Variants in HHAT observed in about 807,000 individuals in gnomAD.
HHAT encodes hedgehog acyltransferase, also known as protein-cysteine N-palmitoyltransferase HHAT.
In HHAT, 47 loss-of-function variants were observed where a neutral mutation model predicts 70.8. That is an observed-to-expected ratio of 0.66 (90% CI 0.53 to 0.85). HHAT has a LOEUF of 0.85. Ranked by LOEUF, HHAT falls within the 40% of genes least tolerant of loss-of-function variation. HHAT has a pLI of 0.00. For missense variants in HHAT, 609 were observed against 604.8 expected (o/e 1.01, Z -0.07); for synonymous variants, 228 against 247.6 (o/e 0.92, Z 0.74).
intron 11 of HHAT, among the ~76,000 whole-genome samples, chr1:210,655,046 T>C (rs1676092135): frequency 6.6e-6 from 1 of 152,176 alleles, no homozygotes; most frequent in Non-Finnish European, 1.5e-5. Flanking sequence ...CAAAGAAGCA[T>C]CTGGAAACTC....
chr1:210,461,768 C>T (rs939989730), intron 7 of HHAT, among the ~76,000 whole-genome samples: 2 of 152,034 alleles, frequency 1.3e-5, no homozygotes, highest in South Asian at 4.2e-4. Flanking sequence ...TTTCTATAAG[C>T]TTGTAAACCA....
At chr1:210,540,026 T>C (rs1424580658) in intron 9 of HHAT, among the ~76,000 whole-genome samples, 2 of 152,198 alleles carry the variant, frequency 1.3e-5, no homozygotes, top group Non-Finnish European at 2.9e-5. Flanking sequence ...ATTGGATTGC[T>C]CTGTGGGACT....
intron 8 of HHAT, among the ~76,000 whole-genome samples, chr1:210,511,890 C>T (rs2094960560): frequency 1.3e-5 from 2 of 148,302 alleles, no homozygotes; most frequent in South Asian, 2.2e-4. Context: ...CCTGGGTTCA[C>T]GCCATTCTCC....
At chr1:210,374,013 C>T (rs61829760) in intron 3 of HHAT, 3 of 152,272 alleles carry the variant, frequency 2.0e-5, no homozygotes, top group South Asian at 2.1e-4. Flanking sequence ...AGTATTCAGA[C>T]CTTTGACATG....
chr1:210,613,579 AG>A (rs1359697048), intron 10 of HHAT, among the ~76,000 whole-genome samples: 17 of 152,098 alleles, frequency 1.1e-4, no homozygotes, highest in Admixed American at 7.9e-4. Flanking sequence ...TGCTTTTTCA[AG>A]GTTGTTTTGG....
At chr1:210,405,254 C>T (rs531959883) in intron 6 of HHAT, among the ~76,000 whole-genome samples, 30 of 152,186 alleles carry the variant, frequency 2.0e-4, no homozygotes, top group African/African-American at 5.8e-4. Context: ...CTTCCTCGGA[C>T]GGCATCCTTG....
chr1:210,498,762 G>GTT (rs67506355), intron 8 of HHAT, among the ~76,000 whole-genome samples: 1 of 143,688 alleles, frequency 7.0e-6, no homozygotes, highest in Non-Finnish European at 1.5e-5. Context: ...CTTGCAGTCT[G>GTT]TTTTTTTTTT....
chr1:210,559,026 C>T (rs184279925), intron 9 of HHAT, among the ~76,000 whole-genome samples: 9 of 152,248 alleles, frequency 5.9e-5, no homozygotes, highest in Admixed American at 1.3e-4. Context: ...GAATCCCGTT[C>T]GGTCAGTTCA....
At chr1:210,378,344 C>A (rs1457595346) in intron 3 of HHAT, among the ~76,000 whole-genome samples, 4 of 152,096 alleles carry the variant, frequency 2.6e-5, no homozygotes, top group Non-Finnish European at 4.4e-5. Context: ...AAACAATAAG[C>A]AAATAATGCT....
chr1:210,341,986 C>A (rs927443021), intron 1 of HHAT, among the ~76,000 whole-genome samples: 1 of 152,060 alleles, frequency 6.6e-6, no homozygotes, highest in Non-Finnish European at 1.5e-5. Flanking sequence ...TCAAAATTCT[C>A]ACTCTTTTCA....
intron 3 of HHAT, among the ~76,000 whole-genome samples, chr1:210,384,419 G>T (rs941610214): frequency 6.6e-6 from 1 of 152,138 alleles, no homozygotes; most frequent in African/African-American, 2.4e-5. Flanking sequence ...GCTGTAGGAA[G>T]GCATAATCAG....
chr1:210,576,615 A>G (rs1470119514), intron 9 of HHAT, among the ~76,000 whole-genome samples: 1 of 152,196 alleles, frequency 6.6e-6, no homozygotes, highest in East Asian at 1.9e-4. Context: ...ATGTTTACAT[A>G]TGTAACAAAC....
Position 210,674,343 on chromosome 1 carries a change from G to A in HHAT, c.1446G>A (p.Val482=). The change falls in exon 12 of 12, where the codon GTG becomes GTA. Residue 482 remains valine, a synonymous_variant. Transcript: ENST00000261458. ...GATTCCTGTACTGCTACTCCCACGTGGGCATTGCCTGGGCCCAGACCTACG... is the reference window on the plus strand; with the variant it reads ...GATTCCTGTACTGCTACTCCCACGTAGGCATTGCCTGGGCCCAGACCTACG... The part of the protein sequence containing the change: ...VLGFLYCYSH[V]GIAWAQTYAT... 1.9e-6 allele frequency: 3 copies of A among 1,614,172 alleles called. No homozygotes were observed. Among genetic ancestry groups the A allele is most frequent in the Non-Finnish European group, 2.5e-6 (3 of 1,180,022 alleles).
chr1:210,390,650 C>A (rs976989155), intron 4 of HHAT, among the ~76,000 whole-genome samples: 4 of 152,014 alleles, frequency 2.6e-5, no homozygotes, highest in Non-Finnish European at 2.9e-5. Context: ...TATTCCTCAC[C>A]CCCACAACCT....
At chr1:210,411,144 T>A (rs1232373189) in intron 6 of HHAT, among the ~76,000 whole-genome samples, 1 of 152,150 alleles carries the variant, frequency 6.6e-6, no homozygotes, top group African/African-American at 2.4e-5. Flanking sequence ...GAGAGGTGAT[T>A]GGGTGTCAGC....
At chr1:210,657,948 A>T (rs1277852127) in intron 11 of HHAT, among the ~76,000 whole-genome samples, 1 of 152,186 alleles carries the variant, frequency 6.6e-6, no homozygotes, top group Non-Finnish European at 1.5e-5. Context: ...TGTGGTCTTG[A>T]TCAGAGGTTT....
At position 210,400,826 on chromosome 1, in the gene HHAT, A is replaced by C. The variant is rs181910389; in HGVS notation, c.468+164A>C. The stretch of plus-strand genomic sequence containing the variant: ...TGCTACAAGTGAACCCTAGTGGTGC[A>C]TTCTGCAATCCTATCATTCCTGGCT... On this transcript the variant is annotated intron_variant, in intron 5 of 11. Transcript: ENST00000261458. Among the ~76,000 whole-genome samples, 5 of 152,274 alleles carry C rather than the reference A, an allele frequency of 3.3e-5. No individual in the cohort carries two copies. The East Asian group carries it at 7.7e-4, about 24-fold the overall frequency.
intron 8 of HHAT, among the ~76,000 whole-genome samples, chr1:210,469,281 T>C (rs545676303): frequency 9.9e-5 from 15 of 152,234 alleles, no homozygotes; most frequent in South Asian, 6.2e-4. Flanking sequence ...TTTTGTCTGT[T>C]TCCTTATGTG....
chr1:210,589,787 A>C (rs933611769), intron 10 of HHAT: 2 of 152,236 alleles, frequency 1.3e-5, no homozygotes. Flanking sequence ...TCACAGGATG[A>C]AGCTCTTGCT....
Sources: allele counts gnomAD v4.1 joint callset (sites outside exome capture counted in the v4.1 genomes callset), GRCh38; gene constraint gnomAD v4.1.1; transcripts MANE v1.5; gene names NCBI Gene and HGNC (gene_info 2026-07-23, HGNC 2026-07-21).